The following AREG variants were observed in gnomAD, a reference collection of about 807,000 sequenced individuals.
The protein encoded by AREG is amphiregulin B.
In AREG, 16 loss-of-function variants were observed where a neutral mutation model predicts 28.0. The ratio of observed to expected loss-of-function variants is 0.57; its 90% CI spans 0.39 to 0.87. The LOEUF is 0.87. Ranked by LOEUF, AREG falls within the 40% of genes least tolerant of loss-of-function variation. AREG has a pLI of 0.00. For synonymous variants in AREG, 113 were observed against 113.5 expected, an observed-to-expected ratio of 1.00 and a Z score of 0.02; for missense variants, 287 against 309.1, an observed-to-expected ratio of 0.93 and a Z score of 0.53.
Position 74,454,812 on chromosome 4 carries a change from T to C in AREG, c.*72T>C, listed in dbSNP as rs1719438154. The C allele has an allele frequency of 1.4e-6, 1 of 700,370 alleles. No individual in the cohort carries two copies. The highest frequency in any genetic ancestry group is 2.6e-6 in the Non-Finnish European group (1 of 383,616). The allele number at this position is 700,370 out of a possible 1,614,324, so 43.4% of individuals were successfully genotyped here. ...ATAGCCATAAATGATGAGTCGGTCC[T>C]CTTTCCAGTGGATCATAAGACAATG... is the stretch of plus-strand genomic sequence containing the variant. On this transcript the variant is annotated 3_prime_UTR_variant, in exon 6 of 6. Transcript: ENST00000395748.
At chr4:74,445,771 T>A (rs1339588453) in intron 1 of AREG, among the ~76,000 whole-genome samples, 2 of 152,134 alleles carry the variant, frequency 1.3e-5, no homozygotes, top group Non-Finnish European at 2.9e-5. Flanking sequence ...TGCCTAATTC[T>A]CCATCTCTGT....
chr4:74,450,487 T>A lies in AREG; in HGVS notation c.620T>A (p.Phe207Tyr). The change falls in exon 4 of 6, where the codon TTT (phenylalanine) becomes TAT (tyrosine). Residue 207 changes from phenylalanine to tyrosine, a missense_variant. Physicochemically the swap from Phe to Tyr is conservative, Grantham distance 22. Transcript: ENST00000395748. Reference sequence around the variant, plus strand: ...ATTGCATTAGCAGCCATAGCTGCCTTTATGTCTGCTGTGATCCTCACAGCT... The same window carrying A: ...ATTGCATTAGCAGCCATAGCTGCCTATATGTCTGCTGTGATCCTCACAGCT... ...SKIALAAIAA[F>Y]MSAVILTAVA... 6.2e-7 allele frequency: 1 copy of A among 1,613,936 alleles called. No individual in the cohort carries two copies. The highest frequency in any genetic ancestry group is 8.5e-7 in the Non-Finnish European group (1 of 1,179,842).
chr4:74,446,696 C>T lies in AREG; in HGVS notation c.224C>T (p.Pro75Leu), dbSNP rs563611240. The T allele has an allele frequency of 4.3e-6, 7 of 1,613,902 alleles. No individual in the cohort carries two copies. Among genetic ancestry groups the T allele is most frequent in the South Asian group, 3.3e-5 (3 of 91,062 alleles). The change falls in exon 2 of 6, where the codon CCG becomes CTG. Residue 75 changes from proline to leucine, a missense_variant. Physicochemically the swap from Pro to Leu is moderately conservative, Grantham distance 98 (BLOSUM62 -3). Transcript: ENST00000395748. ...PVSEMPSSSE[P>L]SSGADYDYSE... ...AGTGAAATGCCTTCTAGTAGTGAAC[C>T]GTCCTCGGGAGCCGACTATGACTAC...
intron 3 of AREG, among the ~76,000 whole-genome samples, chr4:74,449,511 C>T (rs557238532): frequency 4.6e-5 from 7 of 152,196 alleles, no homozygotes; most frequent in East Asian, 1.9e-4. Context: ...TTTGGGGGGC[C>T]GAGGTGGGCA....
At chr4:74,450,226 T>G (rs1719359965) in intron 3 of AREG, among the ~76,000 whole-genome samples, 154 bp from the exon 4 acceptor site, 1 of 152,210 alleles carries the variant, frequency 6.6e-6, no homozygotes, top group African/African-American at 2.4e-5. Flanking sequence ...GATCCTTAGT[T>G]AGAATGCATT....
chr4:74,449,484 A>C (rs867496427), intron 3 of AREG, among the ~76,000 whole-genome samples: 3 of 152,318 alleles, frequency 2.0e-5, no homozygotes, highest in South Asian at 4.1e-4. Flanking sequence ...AGTGGTTCAC[A>C]CCTGTATTCC....
At chr4:74,449,504 G>C (rs1719346218) in intron 3 of AREG, among the ~76,000 whole-genome samples, 1 of 152,202 alleles carries the variant, frequency 6.6e-6, no homozygotes, top group African/African-American at 2.4e-5. Context: ...CCAGCACTTT[G>C]GGGGGCCGAG....
intron 4 of AREG, among the ~76,000 whole-genome samples, 192 bp from the exon 5 acceptor site, chr4:74,452,352 A>C (rs1239067372): frequency 2.0e-5 from 3 of 152,314 alleles, no homozygotes; most frequent in African/African-American, 7.2e-5. Flanking sequence ...AAATGGATTT[A>C]TATACAGTCA....
intron 1 of AREG, 144 bp downstream of exon 1, chr4:74,445,550 T>C (rs1719268420): frequency 2.7e-6 from 4 of 1,462,032 alleles, no homozygotes; most frequent in Non-Finnish European, 3.6e-6. Context: ...GCTCCCTCCC[T>C]AGGAGGAAAA....
In AREG at chr4:74,452,605, C is replaced by A. The variant is rs1342482736; in HGVS notation, c.727C>A (p.Gln243Lys). ...GEAEERKKLR[Q>K]ENGNVHAIA ...AGCTGAGGAACGAAAGAAACTTCGA[C>A]AAGAGAATGGAAATGTACATGCTAT... The change falls in exon 5 of 6, where the codon CAA (glutamine) becomes AAA (lysine). Residue 243 changes from glutamine to lysine, a missense_variant. Transcript: ENST00000395748. 16 of 1,613,334 alleles carry A rather than the reference C, an allele frequency of 9.9e-6. No homozygotes were observed. The Admixed American group carries it at 1.3e-4, about 13-fold the overall frequency.
chr4:74,449,065 C>A lies in AREG; in HGVS notation c.329C>A (p.Pro110His), dbSNP rs912017437. The change falls in exon 3 of 6, where the codon CCC becomes CAC. Residue 110 changes from proline to histidine, a missense_variant. Physicochemically the swap from Pro to His is moderately conservative, Grantham distance 77. Transcript: ENST00000395748. ...TTTTTAGTTGAACAGGTAGTTAAGC[C>A]CCCCCAAAACAAGACGGAAAGTGAA... ...DSVRVEQVVK[P>H]PQNKTESENT... is the part of the protein sequence containing the mutation. 51 of 1,608,868 alleles carry A rather than the reference C, an allele frequency of 3.2e-5. No individual in the cohort carries two copies. The highest frequency in any genetic ancestry group is 1.4e-4 in the Admixed American group (8 of 59,016).
intron 1 of AREG, 40 bp from the exon 2 acceptor site, chr4:74,446,494 C>G (rs1352197723): frequency 6.2e-6 from 10 of 1,613,830 alleles, no homozygotes; most frequent in African/African-American, 1.3e-5. Flanking sequence ...AGGCACCCTA[C>G]TTTACCTTTT....
At position 74,450,412 on chromosome 4, in the gene AREG, G is replaced by A. The variant is rs2110412262; in HGVS notation, c.545G>A (p.Gly182Glu). The change falls in exon 4 of 6, where the codon GGG becomes GAG. Residue 182 changes from glycine (G) to glutamate (E), a missense_variant. By Grantham distance (98) the Gly-to-Glu change is moderately conservative (BLOSUM62 -2). Transcript: ENST00000395748. ...CAAGAATATTTCGGTGAACGGTGTG[G>A]GGAAAAGTCCATGAAAACTCACAGC... ...CQQEYFGERC[G>E]EKSMKTHSMI... 4 of 1,613,860 alleles carry A rather than the reference G, an allele frequency of 2.5e-6. No individual in the cohort carries two copies. The East Asian group carries it at 8.9e-5, about 36-fold the overall frequency.
intron 5 of AREG, among the ~76,000 whole-genome samples, chr4:74,453,199 G>C (rs1375739321): frequency 6.6e-6 from 1 of 152,212 alleles, no homozygotes; most frequent in African/African-American, 2.4e-5. Context: ...TGTTAGGGGA[G>C]ATACAGTTGT....
intron 2 of AREG, among the ~76,000 whole-genome samples, 198 bp downstream of exon 2, chr4:74,446,980 A>C (rs925010588): frequency 5.3e-5 from 8 of 152,258 alleles, no homozygotes; most frequent in African/African-American, 1.9e-4. Context: ...TAAATGGTGT[A>C]TGTCTCATTT....
chr4:74,446,550 A>G lies in AREG; in HGVS notation c.78A>G (p.Gly26=). 1 of 1,613,796 alleles carries G rather than the reference A, an allele frequency of 6.2e-7. No homozygotes were observed. Among genetic ancestry groups the G allele is most frequent in the Non-Finnish European group, 8.5e-7 (1 of 1,179,850 alleles). Reference sequence around the variant, plus strand: ...CCCCTGCAGGCCATTATGCTGCTGGATTGGACCTCAATGACACCTACTCTG... The same window carrying G: ...CCCCTGCAGGCCATTATGCTGCTGGGTTGGACCTCAATGACACCTACTCTG... ...LILGSGHYAA[G]LDLNDTYSGK... Residue 26 remains glycine (G), a synonymous_variant, in exon 2 of 6, where the codon GGA becomes GGG. Transcript: ENST00000395748.
At chr4:74,449,905 G>GCT (rs34389731) in intron 3 of AREG, among the ~76,000 whole-genome samples, 3,947 of 145,468 alleles carry the variant, frequency 0.027, 80 homozygotes, top group African/African-American at 0.05. Context: ...GCTCCTGCTT[G>GCT]CTCTCTCTCT....
chr4:74,447,986 A>C (rs1719319581), intron 2 of AREG, among the ~76,000 whole-genome samples: 1 of 152,246 alleles, frequency 6.6e-6, no homozygotes, highest in South Asian at 2.1e-4. Flanking sequence ...AATGATTAGT[A>C]GTACAAATGA....
intron 4 of AREG, among the ~76,000 whole-genome samples, chr4:74,450,819 G>T (rs1013709880): frequency 1.3e-5 from 2 of 152,066 alleles, no homozygotes; most frequent in African/African-American, 4.8e-5. Context: ...TCTACTCATG[G>T]TTACTTTAGA....
Sources: gnomAD v4.1 joint callset for allele counts (sites outside exome capture counted in the v4.1 genomes callset) on GRCh38, gnomAD v4.1.1 for gene constraint, MANE v1.5 for transcripts, NCBI Gene and HGNC (gene_info 2026-07-23, HGNC 2026-07-21) for gene names.